Variants in DENND2B observed in about 807,000 individuals in gnomAD.
DENND2B encodes DENN domain-containing protein 2B.
DENND2B carries 32 observed loss-of-function variants against 116.0 expected under a neutral mutation model. The ratio of observed to expected loss-of-function variants is 0.28; its 90% confidence interval spans 0.21 to 0.37. The LOEUF (loss-of-function observed/expected upper bound fraction) is 0.37. Ranked by LOEUF, DENND2B falls within the 10% of genes least tolerant of loss-of-function variation. DENND2B has a pLI of 1.00. For missense variants in DENND2B, 1,276 were observed against 1,477.7 expected, an observed-to-expected ratio of 0.86 and a Z score of 2.24; for synonymous variants, 588 against 583.9, an observed-to-expected ratio of 1.01 and a Z score of -0.10.
At chr11:8,697,432 G>T in intron 17 of DENND2B, 93 bp downstream of exon 17, 2 of 898,534 alleles carry the variant, frequency 2.2e-6, no homozygotes, top group South Asian at 1.4e-5. Flanking sequence ...AAAGGGTTTG[G>T]TGTGCAGAGG....
chr11:8,846,199 G>A (rs1407105714), intron 3 of DENND2B, among the ~76,000 whole-genome samples: 3 of 152,224 alleles, frequency 2.0e-5, no homozygotes, highest in Non-Finnish European at 2.9e-5. Context: ...TTGCAACCTG[G>A]AAGCCTATGT....
intron 2 of DENND2B, among the ~76,000 whole-genome samples, chr11:8,861,998 G>A (rs568928847): frequency 1.3e-5 from 2 of 148,518 alleles, no homozygotes; most frequent in Non-Finnish European, 3.0e-5. Context: ...AAGGCATATC[G>A]AGTGGTATAA....
chr11:8,751,526 G>A (rs747239258), intron 1 of DENND2B, among the ~76,000 whole-genome samples: 5 of 152,120 alleles, frequency 3.3e-5, no homozygotes, highest in South Asian at 2.1e-4. Context: ...CACTCACTGC[G>A]AAGGTCTGCA....
At chr11:8,706,974 G>A (rs926155449) in intron 13 of DENND2B, 111 bp downstream of exon 13, 1 of 1,368,302 alleles carries the variant, frequency 7.3e-7, no homozygotes, top group Admixed American at 2.4e-5. Flanking sequence ...AGACATGGTT[G>A]AGCAAGGAGG....
intron 11 of DENND2B, chr11:8,708,286 A>G: frequency 1.0e-6 from 1 of 985,426 alleles, no homozygotes; most frequent in African/African-American, 1.7e-5. Flanking sequence ...CATTCGGCAT[A>G]CCATTCCTTT....
chr11:8,761,233 A>T (rs1028835651), intron 1 of DENND2B, among the ~76,000 whole-genome samples: 4 of 152,226 alleles, frequency 2.6e-5, no homozygotes, highest in Non-Finnish European at 4.4e-5. Flanking sequence ...TAGTTTTAAA[A>T]ACCTAGACAT....
intron 3 of DENND2B, among the ~76,000 whole-genome samples, chr11:8,849,518 C>T (rs1463350378): frequency 7.6e-6 from 1 of 132,354 alleles, no homozygotes; most frequent in African/African-American, 2.9e-5. Context: ...AAAAAACAGA[C>T]AGAAAGACTG....
chr11:8,885,070 G>A (rs558639514), intron 1 of DENND2B, among the ~76,000 whole-genome samples: 107 of 152,288 alleles, frequency 7.0e-4, no homozygotes, highest in East Asian at 7.7e-4. Flanking sequence ...AACCTCCTCC[G>A]CTTTGTCTCT....
chr11:8,705,278 A>G (rs1156314875), intron 13 of DENND2B, among the ~76,000 whole-genome samples: 2 of 152,094 alleles, frequency 1.3e-5, no homozygotes, highest in African/African-American at 2.4e-5. Flanking sequence ...CAGCCATGCA[A>G]TCTTGAGAAG....
rs1218076067 is a variant in DENND2B at position 8,730,400 on chromosome 11, C to T, written c.890G>A (p.Gly297Asp). ...GCTGGGGAGCTGGGGGAGCCCCCGG[C>T]CCGGCTGCTCCTTCAGGACCTGTTC... ...KIEQVLKEQP[G>D]RGLPQLPSSC... The change falls in exon 3 of 20, where the codon GGC (glycine) becomes GAC (aspartate). Residue 297 changes from glycine (G) to aspartate (D), a missense_variant. This residue lies in a region of DENND2B where 856 missense variants were observed against 846.6 expected (regional missense o/e 1.01). Coordinates refer to ENST00000313726, the MANE Select transcript of DENND2B (RefSeq NM_213618.2). This position sits in a 1 kb window ranked among gnomAD's most constrained non-coding sequence, Gnocchi z 4.1. The T allele has an allele frequency of 1.2e-6, 2 of 1,606,018 alleles. No homozygotes were observed. Among genetic ancestry groups the T allele is most frequent in the Non-Finnish European group, 8.5e-7 (1 of 1,179,986 alleles).
intron 11 of DENND2B, among the ~76,000 whole-genome samples, chr11:8,710,015 A>G (rs1026329232): frequency 6.6e-6 from 1 of 152,112 alleles, no homozygotes; most frequent in Non-Finnish European, 1.5e-5. Flanking sequence ...AGGGCTTCTG[A>G]TAAGGGATGA....
At chr11:8,891,087 C>A (rs2064026567) in intron 1 of DENND2B, among the ~76,000 whole-genome samples, 1 of 152,190 alleles carries the variant, frequency 6.6e-6, no homozygotes, top group African/African-American at 2.4e-5. Context: ...GGCCAATATT[C>A]AACATTCTTA....
intron 2 of DENND2B, among the ~76,000 whole-genome samples, chr11:8,748,900 C>A (rs1381396578): frequency 1.3e-5 from 2 of 151,846 alleles, no homozygotes; most frequent in African/African-American, 4.8e-5. Flanking sequence ...GCCCCTCCCA[C>A]CCCTCTACCC....
chr11:8,846,120 G>A (rs1476119692), intron 3 of DENND2B, among the ~76,000 whole-genome samples: 3 of 152,176 alleles, frequency 2.0e-5, no homozygotes, highest in African/African-American at 4.8e-5. Flanking sequence ...AGACAGGGAC[G>A]TGCCAGAGGA....
intron 1 of DENND2B, among the ~76,000 whole-genome samples, chr11:8,795,159 T>C (rs1163607161): frequency 6.6e-6 from 1 of 152,340 alleles, no homozygotes; most frequent in South Asian, 2.1e-4. Context: ...AGCACATACC[T>C]GGAAATCTCA....
At chr11:8,697,867 G>A (rs1158382013) in intron 16 of DENND2B, 6 of 556,030 alleles carry the variant, frequency 1.1e-5, no homozygotes, top group South Asian at 1.9e-5. Context: ...AGTGGCTCAC[G>A]CCAGTAATCC....
chr11:8,876,695 G>A (rs1018977807), intron 2 of DENND2B, among the ~76,000 whole-genome samples: 1 of 151,970 alleles, frequency 6.6e-6, no homozygotes, highest in Non-Finnish European at 1.5e-5. Context: ...TGGCCAACAT[G>A]GTGAAACCCC....
chr11:8,713,078 G>T (rs979016909), intron 8 of DENND2B, among the ~76,000 whole-genome samples: 2 of 152,182 alleles, frequency 1.3e-5, no homozygotes, highest in Non-Finnish European at 2.9e-5. Flanking sequence ...ATCCACGAAG[G>T]CTTCATCCTT....
rs979233189 is a variant in DENND2B at position 8,696,632 on chromosome 11, C to T, written c.3087G>A (p.Val1029=). 4.3e-6 allele frequency: 7 copies of T among 1,614,170 alleles called. No individual in the cohort carries two copies. Among genetic ancestry groups the T allele is most frequent in the East Asian group, 4.5e-5 (2 of 44,890 alleles). The change falls in exon 18 of 20, where the codon GTG becomes GTA. Residue 1029 remains valine, a synonymous_variant. Coordinates refer to ENST00000313726, the MANE Select transcript of DENND2B (RefSeq NM_213618.2). ...CNTLNGLVSE[V]FIRFFVETVG... ...CGGTCTCCACAAAGAACCGGATAAACACCTCCGACACCAGCCCATTGAGGG... is the reference window on the plus strand; with the variant it reads ...CGGTCTCCACAAAGAACCGGATAAATACCTCCGACACCAGCCCATTGAGGG...
Sources: gnomAD v4.1 joint callset for allele counts (sites outside exome capture counted in the v4.1 genomes callset) on GRCh38, gnomAD v4.1.1 for gene constraint, gnomAD v4.1.1 regional missense constraint, Gnocchi (gnomAD v3.1) non-coding constraint, MANE v1.5 for transcripts, NCBI Gene and HGNC (gene_info 2026-07-23, HGNC 2026-07-21) for gene names.